The following GCNT1 variants were observed in gnomAD, a reference collection of about 807,000 sequenced individuals.
GCNT1 encodes the protein glucosaminyl (N-acetyl) transferase 1, also known as beta-1,3-galactosyl-O-glycosyl-glycoprotein beta-1,6-N-acetylglucosaminyltransferase.
GCNT1 carries 16 observed loss-of-function variants against 26.2 expected under a neutral mutation model. The observed-to-expected ratio is 0.61, with a 90% CI of 0.41 to 0.93. GCNT1 has a LOEUF of 0.93. Ranked by LOEUF, GCNT1 falls within the 40% of genes least tolerant of loss-of-function variation. GCNT1 has a pLI of 0.00. For missense variants in GCNT1, 477 were observed against 526.7 expected, an observed-to-expected ratio of 0.91 and a Z score of 0.92; for synonymous variants, 183 against 190.8, an observed-to-expected ratio of 0.96 and a Z score of 0.34.
At chr9:76,457,894 C>A (rs1489617012), upstream of GCNT1, among the ~76,000 whole-genome samples, 9 of 152,130 alleles carry the variant, frequency 5.9e-5, no homozygotes, top group Admixed American at 2.6e-4. Flanking sequence ...AATTGTCCCT[C>A]CCCAATGAAG....
chr9:76,465,914 G>C (rs1253741062), intron 2 of GCNT1, among the ~76,000 whole-genome samples: 1 of 152,190 alleles, frequency 6.6e-6, no homozygotes, highest in Non-Finnish European at 1.5e-5. Context: ...GAGAACACAG[G>C]AGGAGGAGCG....
intron 1 of GCNT1, among the ~76,000 whole-genome samples, chr9:76,444,927 C>G (rs1199938942): frequency 6.6e-6 from 1 of 152,176 alleles, no homozygotes; most frequent in African/African-American, 2.4e-5. Context: ...CACACCTGTT[C>G]ATTTACGTGC....
chr9:76,478,225 T>C (rs1415727526), intron 2 of GCNT1, among the ~76,000 whole-genome samples: 1 of 152,162 alleles, frequency 6.6e-6, no homozygotes, highest in Non-Finnish European at 1.5e-5. Flanking sequence ...TCACAATAAA[T>C]CTTGCTGTTG....
At chr9:76,411,347 G>A in the GCNT1 span, among the ~76,000 whole-genome samples, 2 of 151,194 alleles carry the variant, frequency 1.3e-5, no homozygotes, top group East Asian at 1.9e-4. Flanking sequence ...ATTATTTTTT[G>A]AGACAGGGTC....
At chr9:76,445,055 A>G (rs1045819289) in intron 1 of GCNT1, among the ~76,000 whole-genome samples, 1 of 152,234 alleles carries the variant, frequency 6.6e-6, no homozygotes, top group Non-Finnish European at 1.5e-5. Context: ...AAGCTCTGCT[A>G]TAAGTAGAGA....
intron 1 of GCNT1, among the ~76,000 whole-genome samples, chr9:76,443,763 C>T (rs931287312): frequency 5.3e-5 from 8 of 152,156 alleles, no homozygotes; most frequent in Non-Finnish European, 7.4e-5. Flanking sequence ...TGCCTATAGT[C>T]CCAGCTACTT....
At chr9:76,455,687 C>T (rs562318686), upstream of GCNT1, among the ~76,000 whole-genome samples, 8 of 152,150 alleles carry the variant, frequency 5.3e-5, no homozygotes, top group African/African-American at 1.9e-4. Flanking sequence ...CTGGAACCTC[C>T]GCCTCCCAGA....
intron 1 of GCNT1, among the ~76,000 whole-genome samples, chr9:76,427,813 C>G (rs142068924): frequency 1.3e-5 from 2 of 152,096 alleles, no homozygotes; most frequent in South Asian, 4.2e-4. Context: ...ATGGTGAAAC[C>G]GCATCTCTAC....
chr9:76,437,627 A>C (rs1043073603), upstream of GCNT1, among the ~76,000 whole-genome samples: 1 of 152,180 alleles, frequency 6.6e-6, no homozygotes, highest in Non-Finnish European at 1.5e-5. Flanking sequence ...ACTTGTTTTC[A>C]CTTTACTCTA....
At chr9:76,398,121 T>A in the GCNT1 span, among the ~76,000 whole-genome samples, 1 of 151,494 alleles carries the variant, frequency 6.6e-6, no homozygotes, top group Non-Finnish European at 1.5e-5. Context: ...TTCTCTGGTT[T>A]AATTTGTCTC....
chr9:76,463,145 G>C (rs1287393577), intron 2 of GCNT1, among the ~76,000 whole-genome samples: 12 of 152,182 alleles, frequency 7.9e-5, no homozygotes, highest in African/African-American at 2.9e-4. Flanking sequence ...TGTGCTCAGG[G>C]AGGTTGAAAA....
intron 1 of GCNT1, among the ~76,000 whole-genome samples, chr9:76,447,614 TTTC>T (rs1823597984): frequency 6.6e-6 from 1 of 152,142 alleles, no homozygotes; most frequent in African/African-American, 2.4e-5. Context: ...TTTCACCCTA[TTTC>T]TTAACTTTTT....
intron 2 of GCNT1, among the ~76,000 whole-genome samples, chr9:76,467,897 GTTTTTTTT>G (rs35387152): frequency 6.8e-5 from 4 of 59,054 alleles, no homozygotes; most frequent in East Asian, 4.8e-4. Flanking sequence ...CTCTTTCAGT[GTTTTTTTT>G]TTTTTTTTTT....
intron 1 of GCNT1, among the ~76,000 whole-genome samples, chr9:76,420,373 A>C (rs898012556): frequency 1.3e-5 from 2 of 152,106 alleles, no homozygotes; most frequent in Non-Finnish European, 2.9e-5. Context: ...CTCCTGGGCC[A>C]AGTAATCCTC....
the GCNT1 span, chr9:76,394,467 C>G: frequency 7.2e-5 from 22 of 304,622 alleles, no homozygotes; most frequent in African/African-American, 4.4e-4. Flanking sequence ...CGGCCCGAAG[C>G]GCAGAGCCGG....
upstream of GCNT1, among the ~76,000 whole-genome samples, chr9:76,455,832 A>G (rs1000937519): frequency 1.8e-4 from 27 of 152,122 alleles, no homozygotes; most frequent in Admixed American, 1.0e-3. Flanking sequence ...CGAACTCCTT[A>G]CCTCAAGTGA....
At chr9:76,413,425 G>T in the GCNT1 span, among the ~76,000 whole-genome samples, 4 of 152,168 alleles carry the variant, frequency 2.6e-5, no homozygotes, top group Non-Finnish European at 5.9e-5. Context: ...TGTGAGAGAG[G>T]ACAGGAGTTT....
rs779459124 is a variant in GCNT1 at position 76,502,944 on chromosome 9, C to T, written c.563C>T (p.Ala188Val). ...AGCCGATTGGAGAGTGTGGTTTATG[C>T]ATCGTGGAGCCGGGTTCAGGCTGAC... ...VASRLESVVY[A>V]SWSRVQADLN... The change falls in exon 4 of 4, where the codon GCA becomes GTA. Residue 188 changes from alanine to valine, a missense_variant. Transcript: ENST00000376730. 5.6e-6 allele frequency: 9 copies of T among 1,612,836 alleles called. No individual in the cohort carries two copies. Among genetic ancestry groups the T allele is most frequent in the Non-Finnish European group, 7.6e-6 (9 of 1,179,960 alleles).
At chr9:76,484,786 CTT>C (rs33956720) in intron 2 of GCNT1, among the ~76,000 whole-genome samples, 3 of 126,174 alleles carry the variant, frequency 2.4e-5, no homozygotes, top group African/African-American at 2.9e-5. Context: ...ACCATGATTG[CTT>C]TTTTTTTTTT....
Sources: gnomAD v4.1 joint callset for allele counts (sites outside exome capture counted in the v4.1 genomes callset) on GRCh38, gnomAD v4.1.1 for gene constraint, MANE v1.5 for transcripts, NCBI Gene and HGNC (gene_info 2026-07-23, HGNC 2026-07-21) for gene names.